GRXCR1: variants seen among roughly 807,000 people sequenced by gnomAD.
GRXCR1 encodes the protein glutaredoxin and cysteine rich domain containing 1, also known as glutaredoxin domain-containing cysteine-rich protein 1.
A neutral mutation model predicts 27.3 loss-of-function variants in GRXCR1; 27 were observed. The ratio of observed to expected loss-of-function variants is 0.99; its 90% CI spans 0.73 to 1.37. The LOEUF (loss-of-function observed/expected upper bound fraction) is 1.37. GRXCR1 is among the 40% of genes most tolerant of loss of function. GRXCR1 has a pLI of 0.00. For synonymous variants in GRXCR1, 122 were observed against 131.1 expected, an observed-to-expected ratio of 0.93 and a Z score of 0.47; for missense variants, 379 against 354.4, an observed-to-expected ratio of 1.07 and a Z score of -0.56.
chr4:42,937,296 T>G (rs1382133332), intron 1 of GRXCR1, among the ~76,000 whole-genome samples: 1 of 128,264 alleles, frequency 7.8e-6, no homozygotes, highest in Non-Finnish European at 1.7e-5. Flanking sequence ...TATTTTTATT[T>G]TTTGAGTACT....
chr4:42,986,189 A>G (rs2109788022), intron 2 of GRXCR1, among the ~76,000 whole-genome samples: 1 of 152,326 alleles, frequency 6.6e-6, no homozygotes, highest in African/African-American at 2.4e-5. Context: ...AAATTAAGCT[A>G]AAGACCTGAC....
chr4:42,893,217 TAAC>T lies in GRXCR1; in HGVS notation c.-46_-44del. The T allele has an allele frequency of 6.2e-7, 1 of 1,610,222 alleles. No individual in the cohort carries two copies. The highest frequency in any genetic ancestry group is 8.5e-7 in the Non-Finnish European group (1 of 1,177,744). On this transcript the variant is annotated 5_prime_UTR_variant, in exon 1 of 4. Transcript: ENST00000399770. ...CTATCTGGCAAGTGGACTAGTGCAGTAACAACGGGTCCAGAATGCTGTAAACTG... is the reference window on the plus strand; with the variant it reads ...CTATCTGGCAAGTGGACTAGTGCAGTAACGGGTCCAGAATGCTGTAAACTG...
intron 2 of GRXCR1, among the ~76,000 whole-genome samples, chr4:42,970,017 C>A (rs1384418777): frequency 6.6e-6 from 1 of 152,172 alleles, no homozygotes; most frequent in Non-Finnish European, 1.5e-5. Context: ...CAAGGGACTA[C>A]AGGCCACATG....
intron 1 of GRXCR1, among the ~76,000 whole-genome samples, chr4:42,920,529 G>C (rs1414220726): frequency 6.6e-6 from 1 of 152,082 alleles, no homozygotes; most frequent in African/African-American, 2.4e-5. Context: ...TAGAAGAGCT[G>C]GAAGCTTAGA....
chr4:42,946,351 G>T (rs915312269), intron 1 of GRXCR1, among the ~76,000 whole-genome samples: 1 of 151,998 alleles, frequency 6.6e-6, no homozygotes, highest in Non-Finnish European at 1.5e-5. Context: ...AACATTATTG[G>T]TATTTTTCTT....
chr4:42,942,108 C>T (rs1428796246), intron 1 of GRXCR1, among the ~76,000 whole-genome samples: 1 of 151,794 alleles, frequency 6.6e-6, no homozygotes, highest in Admixed American at 6.6e-5. Flanking sequence ...ACTAGAGCAT[C>T]GTAATTGGAA....
chr4:42,923,405 A>T (rs1747068005), intron 1 of GRXCR1, among the ~76,000 whole-genome samples: 1 of 152,164 alleles, frequency 6.6e-6, no homozygotes. Context: ...CCCAATAAGC[A>T]AATCTCTCTA....
chr4:43,016,640 T>C (rs1712940067), intron 2 of GRXCR1, among the ~76,000 whole-genome samples: 1 of 151,322 alleles, frequency 6.6e-6, no homozygotes, highest in Non-Finnish European at 1.5e-5. Flanking sequence ...TGTTTGTGTG[T>C]GTGTGTGTGT....
intron 2 of GRXCR1, among the ~76,000 whole-genome samples, chr4:43,015,922 T>C (rs931795339): frequency 2.6e-5 from 4 of 152,132 alleles, no homozygotes; most frequent in Non-Finnish European, 5.9e-5. Flanking sequence ...GTTTCAAATG[T>C]TGATGTCCCA....
intron 2 of GRXCR1, among the ~76,000 whole-genome samples, chr4:43,013,781 G>A (rs1006298978): frequency 6.6e-6 from 1 of 152,138 alleles, no homozygotes; most frequent in Non-Finnish European, 1.5e-5. Flanking sequence ...CTGTTTTCTA[G>A]CCTAGTGACT....
chr4:43,000,004 G>A (rs1291853336), intron 2 of GRXCR1, among the ~76,000 whole-genome samples: 1 of 152,200 alleles, frequency 6.6e-6, no homozygotes, highest in African/African-American at 2.4e-5. Flanking sequence ...ACAGTCAACT[G>A]CAGTTTGAAA....
chr4:42,929,785 T>G (rs150637861), intron 1 of GRXCR1, among the ~76,000 whole-genome samples: 2 of 152,054 alleles, frequency 1.3e-5, no homozygotes, highest in Non-Finnish European at 2.9e-5. Flanking sequence ...AAATAATCCT[T>G]GATATAGCAA....
intron 1 of GRXCR1, among the ~76,000 whole-genome samples, chr4:42,937,433 C>T (rs557827265): frequency 2.0e-5 from 3 of 151,880 alleles, no homozygotes; most frequent in East Asian, 1.9e-4. Context: ...TATCTGGGAG[C>T]CAAGAGAGCT....
At chr4:42,987,080 T>C (rs894654784) in intron 2 of GRXCR1, among the ~76,000 whole-genome samples, 1 of 150,142 alleles carries the variant, frequency 6.7e-6, no homozygotes, top group African/African-American at 2.5e-5. Context: ...CCTCACTACA[T>C]ACTATGCTAG....
At chr4:42,997,120 G>T (rs1305967056) in intron 2 of GRXCR1, among the ~76,000 whole-genome samples, 1 of 151,986 alleles carries the variant, frequency 6.6e-6, no homozygotes, top group Admixed American at 6.5e-5. Context: ...ATATAAATAT[G>T]TACATATATT....
chr4:42,908,153 C>A (rs1746639141), intron 1 of GRXCR1, among the ~76,000 whole-genome samples: 2 of 152,202 alleles, frequency 1.3e-5, no homozygotes, highest in Non-Finnish European at 2.9e-5. Flanking sequence ...AGTGTTCCTT[C>A]CTGTTTGTAT....
intron 2 of GRXCR1, among the ~76,000 whole-genome samples, chr4:43,006,181 A>G (rs544397740): frequency 1.3e-5 from 2 of 152,160 alleles, no homozygotes; most frequent in African/African-American, 2.4e-5. Context: ...AGGAGGATGT[A>G]TATCGCCTCA....
chr4:43,001,009 C>T (rs772770016), intron 2 of GRXCR1, among the ~76,000 whole-genome samples: 4 of 152,120 alleles, frequency 2.6e-5, no homozygotes, highest in African/African-American at 4.8e-5. Flanking sequence ...TCACTGCAAC[C>T]TCTACCTCCC....
At chr4:42,990,845 A>G (rs1406007528) in intron 2 of GRXCR1, among the ~76,000 whole-genome samples, 3 of 152,088 alleles carry the variant, frequency 2.0e-5, no homozygotes, top group African/African-American at 4.8e-5. Context: ...ATATATGCAT[A>G]TATGCGTACA....
Sources: gnomAD v4.1 joint callset for allele counts (sites outside exome capture counted in the v4.1 genomes callset) on GRCh38, gnomAD v4.1.1 for gene constraint, MANE v1.5 for transcripts, NCBI Gene and HGNC (gene_info 2026-07-23, HGNC 2026-07-21) for gene names.